The following BLK variants were observed in gnomAD, a reference collection of about 807,000 sequenced individuals.
BLK encodes the protein BLK proto-oncogene, Src family tyrosine kinase.
Under a neutral mutation model 61.8 loss-of-function variants are expected in BLK, and 64 were observed. That is an observed-to-expected ratio of 1.03 (90% CI 0.85 to 1.27). The LOEUF is 1.27. BLK is among the 50% of genes most tolerant of loss of function. The probability of loss-of-function intolerance (pLI) is 0.00; values close to 1 mark genes in which losing one functional copy is unlikely to be tolerated. For missense variants in BLK, 853 were observed against 660.5 expected, an observed-to-expected ratio of 1.29 and a Z score of -3.19; for synonymous variants, 351 against 272.0, an observed-to-expected ratio of 1.29 and a Z score of -2.86.
intron 1 of BLK, among the ~76,000 whole-genome samples, chr8:11,532,465 C>T (rs1048940043): frequency 6.6e-6 from 1 of 151,778 alleles, no homozygotes; most frequent in Non-Finnish European, 1.5e-5. Context: ...CCTGCCTTGG[C>T]CTCCTAAAGT....
intron 7 of BLK, 60 bp downstream of exon 7, chr8:11,554,949 T>C: frequency 6.3e-7 from 1 of 1,587,786 alleles, no homozygotes; most frequent in Non-Finnish European, 8.5e-7. Flanking sequence ...GATCTCTCGC[T>C]AAGATTCCCA....
At chr8:11,529,955 C>G (rs937613855) in intron 1 of BLK, among the ~76,000 whole-genome samples, 3 of 152,196 alleles carry the variant, frequency 2.0e-5, no homozygotes, top group African/African-American at 4.8e-5. Flanking sequence ...TCAGCAGAAG[C>G]TCAAGAACAA....
chr8:11,529,786 C>A (rs1799813802), intron 1 of BLK, among the ~76,000 whole-genome samples: 1 of 152,200 alleles, frequency 6.6e-6, no homozygotes, highest in Non-Finnish European at 1.5e-5. Context: ...AGGTTAGAAG[C>A]AAGATGCAGT....
At chr8:11,516,058 A>G (rs1799212145) in intron 1 of BLK, among the ~76,000 whole-genome samples, 1 of 152,238 alleles carries the variant, frequency 6.6e-6, no homozygotes, top group Non-Finnish European at 1.5e-5. Context: ...TGGCCTGTAC[A>G]TTCCATGGAA....
chr8:11,549,328 C>T (rs766871916), intron 5 of BLK, among the ~76,000 whole-genome samples: 31 of 152,166 alleles, frequency 2.0e-4, no homozygotes, highest in Non-Finnish European at 3.2e-4. Flanking sequence ...CTGAGCAAGC[C>T]GCTCTTCCCA....
At chr8:11,498,034 T>G (rs1326847151) in intron 1 of BLK, among the ~76,000 whole-genome samples, 2 of 152,210 alleles carry the variant, frequency 1.3e-5, no homozygotes, top group Non-Finnish European at 2.9e-5. Context: ...GTGGGGCTTG[T>G]GCAACCCCTT....
At chr8:11,524,766 G>C (rs956499190) in intron 1 of BLK, among the ~76,000 whole-genome samples, 1 of 152,112 alleles carries the variant, frequency 6.6e-6, no homozygotes, top group Non-Finnish European at 1.5e-5. Context: ...AAATGACAAC[G>C]GTTCATTAAA....
chr8:11,556,524 T>A, intron 8 of BLK, 134 bp from the exon 9 acceptor site: 1 of 1,080,702 alleles, frequency 9.3e-7, no homozygotes, highest in African/African-American at 1.5e-5. Context: ...AACCATGGCC[T>A]CCGGAACTGC....
In BLK at chr8:11,550,240, C is replaced by T. The variant is rs1400908490; in HGVS notation, c.450C>T (p.Ile150=). The T allele has an allele frequency of 8.1e-6, 13 of 1,613,784 alleles. No individual in the cohort carries two copies. ...TCAACAAGGCCGGCTCCTTTCTTAT[C>T]AGAGAGAGTGAAACCAACAAAGGTA... ...APINKAGSFL[I]RESETNKGAF... Residue 150 remains isoleucine, a synonymous_variant, in exon 6 of 13, where the codon ATC becomes ATT. Coordinates refer to ENST00000259089, the MANE Select transcript of BLK (RefSeq NM_001715.3).
intron 1 of BLK, among the ~76,000 whole-genome samples, chr8:11,540,665 A>G (rs1800332131): frequency 6.6e-6 from 1 of 152,232 alleles, no homozygotes; most frequent in Admixed American, 6.5e-5. Context: ...AGATCTATAA[A>G]CCATATAAAT....
At chr8:11,521,707 C>A (rs1257412687) in intron 1 of BLK, among the ~76,000 whole-genome samples, 2 of 152,172 alleles carry the variant, frequency 1.3e-5, no homozygotes, top group African/African-American at 4.8e-5. Flanking sequence ...TAGCTCATAC[C>A]GCCCTGGAGA....
At chr8:11,556,404 A>G (rs1801224858) in intron 8 of BLK, 1 of 532,928 alleles carries the variant, frequency 1.9e-6, no homozygotes, top group East Asian at 3.4e-5. Flanking sequence ...AGAAGGACAC[A>G]GGCCCAGGGT....
chr8:11,546,082 C>T lies in BLK; in HGVS notation c.154C>T (p.Pro52Ser), dbSNP rs375173243. The change falls in exon 3 of 13, where the codon CCC becomes TCC. Residue 52 changes from proline (P) to serine (S), a missense_variant. Coordinates refer to ENST00000259089, the MANE Select transcript of BLK (RefSeq NM_001715.3). ...CTTCAACCACCTTACTCCTCCACCGCCCGATGAACACCTGGATGAAGGTAA... is the reference window on the plus strand; with the variant it reads ...CTTCAACCACCTTACTCCTCCACCGTCCGATGAACACCTGGATGAAGGTAA... ...VVFNHLTPPPPDEHLDEDKHF... is the reference protein window; with the variant it reads ...VVFNHLTPPPSDEHLDEDKHF... 1.9e-6 allele frequency: 3 copies of T among 1,614,218 alleles called. No homozygotes were observed. The highest frequency in any genetic ancestry group is 1.1e-5 in the South Asian group (1 of 91,086).
chr8:11,559,503 AC>A (rs1801387559), intron 10 of BLK, among the ~76,000 whole-genome samples: 2 of 122,870 alleles, frequency 1.6e-5, no homozygotes, highest in Non-Finnish European at 3.9e-5. Flanking sequence ...ACACAAACTC[AC>A]AAACTCACAC....
At chr8:11,544,748 A>G (rs1464130862) in intron 2 of BLK, among the ~76,000 whole-genome samples, 1 of 152,142 alleles carries the variant, frequency 6.6e-6, no homozygotes, top group Non-Finnish European at 1.5e-5. Context: ...ATGTGTTCCT[A>G]TTTTTAAGAG....
chr8:11,513,193 C>A (rs1799087789), intron 1 of BLK, among the ~76,000 whole-genome samples: 2 of 152,158 alleles, frequency 1.3e-5, no homozygotes, highest in South Asian at 4.1e-4. Context: ...GGTCCCAGGG[C>A]TTGTCCTCAA....
chr8:11,532,094 A>C (rs1285981579), intron 1 of BLK, among the ~76,000 whole-genome samples: 1 of 152,108 alleles, frequency 6.6e-6, no homozygotes, highest in Non-Finnish European at 1.5e-5. Context: ...CCTGACCTCA[A>C]GTAATTCACC....
chr8:11,527,332 G>C (rs1382566), intron 1 of BLK, among the ~76,000 whole-genome samples: 26,807 of 152,044 alleles, frequency 0.18, 2,608 homozygotes, highest in East Asian at 0.25. Flanking sequence ...CTTGTATAAA[G>C]TCCACCACAA....
chr8:11,542,572 A>G (rs1023591386), intron 1 of BLK, among the ~76,000 whole-genome samples: 4 of 152,208 alleles, frequency 2.6e-5, no homozygotes, highest in Non-Finnish European at 5.9e-5. Context: ...GATGGTGTCA[A>G]AAGGGCCTGT....
Sources: gnomAD v4.1 joint callset for allele counts (sites outside exome capture counted in the v4.1 genomes callset) on GRCh38, gnomAD v4.1.1 for gene constraint, MANE v1.5 for transcripts, NCBI Gene and HGNC (gene_info 2026-07-23, HGNC 2026-07-21) for gene names.